Variants in NDST1 observed in about 807,000 individuals in gnomAD.
NDST1 encodes the protein bifunctional heparan sulfate N-deacetylase/N-sulfotransferase 1.
A neutral mutation model predicts 92.8 loss-of-function variants in NDST1; 35 were observed. The ratio of observed to expected loss-of-function variants is 0.38; its 90% CI spans 0.29 to 0.50. The LOEUF (loss-of-function observed/expected upper bound fraction) is 0.50. Among genes scored for constraint, NDST1 ranks in the 20% least tolerant of loss-of-function variants. NDST1 has a pLI of 0.94. For missense variants in NDST1, 822 were observed against 1,182.7 expected (o/e 0.69, Z 4.47); for synonymous variants, 493 against 500.3 (o/e 0.99, Z 0.19).
intron 12 of NDST1, 131 bp from the exon 13 acceptor site, chr5:150,549,547 G>A (rs1755633154): frequency 4.3e-6 from 3 of 700,516 alleles, no homozygotes; most frequent in African/African-American, 3.5e-5. Flanking sequence ...CCTTCAACAG[G>A]GGAGGAGGAG....
chr5:150,524,297 G>T (rs3846709), intron 2 of NDST1, among the ~76,000 whole-genome samples: 46,518 of 152,134 alleles, frequency 0.31, 8,674 homozygotes, highest in Non-Finnish European at 0.4. Flanking sequence ...GGTAGCTATC[G>T]TGCTTTGTCA....
At chr5:150,535,939 C>T in intron 6 of NDST1, 54 bp downstream of exon 6, 2 of 1,558,064 alleles carry the variant, frequency 1.3e-6, no homozygotes, top group East Asian at 2.3e-5. Flanking sequence ...CACAGTCTGT[C>T]ATGTGTGTGC....
At position 150,555,963 on chromosome 5, in the gene NDST1, G is replaced by A. The variant is rs139667991; in HGVS notation, c.*2631G>A. 4.9e-4 allele frequency: 74 copies of A among 152,530 alleles called. No homozygotes were observed. Among genetic ancestry groups the A allele is most frequent in the African/African-American group, 1.4e-3 (57 of 41,562 alleles). 9.4% of individuals were successfully genotyped at this position (152,530 alleles called of 1,614,324 possible). A position where few individuals can be genotyped will look rare whatever the true frequency, so the allele number is the denominator to read the frequency against. Reference sequence around the variant, plus strand: ...CTCCCACTAACAGACCTTTCTTGAAGACCCACTAGGTCCAGACACTGCCGG... The same window carrying A: ...CTCCCACTAACAGACCTTTCTTGAAAACCCACTAGGTCCAGACACTGCCGG... On this transcript the variant is annotated 3_prime_UTR_variant, in exon 15 of 15. Transcript: ENST00000261797.
rs1315437734 is a variant in NDST1 at position 150,553,449 on chromosome 5, A to G, written c.*117A>G. ...GGGCAGCTGCGCACTTATGAGCAAT[A>G]CTCTGTGGAGGTCTGGTGGGGCTGG... On this transcript the variant is annotated 3_prime_UTR_variant, in exon 15 of 15. Transcript: ENST00000261797. The surrounding 1 kb of genome is among the most constrained non-coding windows in gnomAD (Gnocchi z 4.2). The G allele has an allele frequency of 1.4e-6, 2 of 1,406,186 alleles. No homozygotes were observed. Among genetic ancestry groups the G allele is most frequent in the Non-Finnish European group, 2.0e-6 (2 of 1,006,314 alleles). The allele number at this position is 1,406,186 out of a possible 1,614,324, so 87.1% of individuals were successfully genotyped here.
intron 12 of NDST1, among the ~76,000 whole-genome samples, chr5:150,548,979 G>A (rs1755609644): frequency 6.6e-6 from 1 of 152,142 alleles, no homozygotes; most frequent in African/African-American, 2.4e-5. Flanking sequence ...CGTGGTGATG[G>A]AGGGAGAGCC....
chr5:150,500,061 C>T (rs531734773), intron 1 of NDST1, among the ~76,000 whole-genome samples: 4 of 152,298 alleles, frequency 2.6e-5, no homozygotes, highest in South Asian at 4.1e-4. Context: ...CTGTCTGTCC[C>T]GTCAAGGTTT....
chr5:150,549,729 G>A lies in NDST1; in HGVS notation c.2368G>A (p.Asp790Asn). 3 of 1,614,108 alleles carry A rather than the reference G, an allele frequency of 1.9e-6. No homozygotes were observed. The highest frequency in any genetic ancestry group is 1.6e-4 in the Middle Eastern group (1 of 6,062). ...TCGCACAGAACCTGCCAAAGTGATG[G>A]ACATGGTGCAGAAGTTCCTTGGGGT... ...LLRTEPAKVM[D>N]MVQKFLGVTN... Residue 790 changes from aspartate to asparagine, a missense_variant, in exon 13 of 15, where the codon GAC (aspartate) becomes AAC (asparagine). Transcript: ENST00000261797.
At chr5:150,546,129 C>T (rs1755472672) in intron 11 of NDST1, among the ~76,000 whole-genome samples, 1 of 151,562 alleles carries the variant, frequency 6.6e-6, no homozygotes, top group Admixed American at 6.6e-5. Context: ...TCCCAAGTAG[C>T]TGGTATTACA....
chr5:150,553,075 A>G lies in NDST1; in HGVS notation c.2530-138A>G, dbSNP rs1264519138. 2.4e-6 allele frequency: 2 copies of G among 822,874 alleles called. No individual in the cohort carries two copies. Among genetic ancestry groups the G allele is most frequent in the Non-Finnish European group, 4.0e-6 (2 of 501,756 alleles). 51.0% of individuals were successfully genotyped at this position (822,874 alleles called of 1,614,324 possible). A position where few individuals can be genotyped will look rare whatever the true frequency, so the allele number is the denominator to read the frequency against. ...AGGCTGGTCTTGAACTCCTGACCTC[A>G]GGTGATCCACATGCCTCGGCCTCCC... On this transcript the variant is annotated intron_variant, in intron 14 of 14. Transcript: ENST00000261797. The surrounding 1 kb of genome is among the most constrained non-coding windows in gnomAD (Gnocchi z 4.2).
rs1267712668 is a variant in NDST1 at position 150,554,645 on chromosome 5, A to T, written c.*1313A>T. On this transcript the variant is annotated 3_prime_UTR_variant, in exon 15 of 15. Transcript: ENST00000261797. ...ACATCGGGCTGCGTGAAGTCCAGTGACCCTGAGGGGATTTTGGCCAAAGGA... is the reference window on the plus strand; with the variant it reads ...ACATCGGGCTGCGTGAAGTCCAGTGTCCCTGAGGGGATTTTGGCCAAAGGA... 6.6e-6 allele frequency: 1 copy of T among 152,646 alleles called. No individual in the cohort carries two copies. Among genetic ancestry groups the T allele is most frequent in the Non-Finnish European group, 1.5e-5 (1 of 68,136 alleles). The allele number at this position is 152,646 out of a possible 1,614,324, so 9.5% of individuals were successfully genotyped here.
chr5:150,533,387 A>G (rs979109523), intron 4 of NDST1, among the ~76,000 whole-genome samples: 4 of 152,236 alleles, frequency 2.6e-5, no homozygotes, highest in African/African-American at 9.6e-5. Context: ...TAAGAACATT[A>G]CAGAAACATG....
intron 7 of NDST1, chr5:150,539,765 G>T: frequency 2.0e-6 from 2 of 985,318 alleles, no homozygotes; most frequent in Non-Finnish European, 2.4e-6. Context: ...AGTGGTGGTT[G>T]TTATTCAGCT....
chr5:150,543,800 G>A (rs1426062301), intron 10 of NDST1, among the ~76,000 whole-genome samples: 1 of 149,094 alleles, frequency 6.7e-6, no homozygotes, highest in Non-Finnish European at 1.5e-5. Context: ...TTTTTTTTGA[G>A]ATGGAATCTC....
intron 9 of NDST1, among the ~76,000 whole-genome samples, chr5:150,542,258 C>A (rs755405590): frequency 6.6e-6 from 1 of 152,186 alleles, no homozygotes; most frequent in African/African-American, 2.4e-5. Flanking sequence ...TCCTTCTCTT[C>A]TGGGCTCTCT....
At chr5:150,504,239 C>T (rs1419998561), upstream of NDST1, among the ~76,000 whole-genome samples, 2 of 152,192 alleles carry the variant, frequency 1.3e-5, no homozygotes, top group African/African-American at 4.8e-5. Context: ...CCGGGCATTG[C>T]TTATTTTCCC....
chr5:150,499,973 G>T (rs527886613), intron 1 of NDST1, among the ~76,000 whole-genome samples: 1 of 152,298 alleles, frequency 6.6e-6, no homozygotes, highest in Admixed American at 6.5e-5. Flanking sequence ...TTACTGGCCT[G>T]GGCTTCTTCT....
intron 1 of NDST1, among the ~76,000 whole-genome samples, chr5:150,511,776 G>T (rs1162860247): frequency 6.6e-6 from 1 of 152,178 alleles, no homozygotes; most frequent in Non-Finnish European, 1.5e-5. Flanking sequence ...AGCAGAGGAA[G>T]GGATTTGCTT....
chr5:150,510,478 C>T (rs560856871), intron 1 of NDST1, among the ~76,000 whole-genome samples: 7 of 152,280 alleles, frequency 4.6e-5, no homozygotes, highest in African/African-American at 1.4e-4. Flanking sequence ...CCTTGGTGTG[C>T]GTGAAGAGCC....
rs960574082 is a variant in NDST1, at chr5:150,521,172, G to A, written c.-83G>A. On this transcript the variant is annotated 5_prime_UTR_variant, in exon 2 of 15. Transcript: ENST00000261797. The surrounding 1 kb of genome is among the most constrained non-coding windows in gnomAD (Gnocchi z 5.9). Reference sequence around the variant, plus strand: ...TCTGTGAATTTGTTGGTCAGTGGACGATTCTCGTGTCTCCTCCTGTGTGGG... The same window carrying A: ...TCTGTGAATTTGTTGGTCAGTGGACAATTCTCGTGTCTCCTCCTGTGTGGG... The A allele has an allele frequency of 7.4e-5, 96 of 1,301,316 alleles. No individual in the cohort carries two copies. The highest frequency in any genetic ancestry group is 2.1e-4 in the Middle Eastern group (1 of 4,830). The allele number at this position is 1,301,316 out of a possible 1,614,324, so 80.6% of individuals were successfully genotyped here. A position where few individuals can be genotyped will look rare whatever the true frequency, so the allele number is the denominator to read the frequency against.
Sources: gnomAD v4.1 joint callset for allele counts (sites outside exome capture counted in the v4.1 genomes callset) on GRCh38, gnomAD v4.1.1 for gene constraint, Gnocchi (gnomAD v3.1) non-coding constraint, MANE v1.5 for transcripts, NCBI Gene and HGNC (gene_info 2026-07-23, HGNC 2026-07-21) for gene names.